ABCB5: variants seen among roughly 807,000 people sequenced by gnomAD.
ABCB5 encodes the protein ATP-binding cassette sub-family B member 5.
In ABCB5, 155 loss-of-function variants were observed where a neutral mutation model predicts 144.2. The observed-to-expected ratio is 1.08, with a 90% CI of 0.94 to 1.23. The LOEUF is 1.23. Among genes scored for constraint, ABCB5 ranks in the 50% most tolerant of loss-of-function variants. The pLI is 0.00. For synonymous variants in ABCB5, 610 were observed against 528.6 expected, an observed-to-expected ratio of 1.15 and a Z score of -2.11; for missense variants, 1,830 against 1,520.8, an observed-to-expected ratio of 1.20 and a Z score of -3.38.
intron 16 of ABCB5, among the ~76,000 whole-genome samples, chr7:20,690,998 C>A (rs1474663495): frequency 6.6e-6 from 1 of 151,854 alleles, no homozygotes; most frequent in African/African-American, 2.4e-5. Flanking sequence ...AGAAACTGAA[C>A]AAAATATGTG....
intron 15 of ABCB5, among the ~76,000 whole-genome samples, chr7:20,683,275 T>C (rs1309196053): frequency 6.6e-6 from 1 of 152,200 alleles, no homozygotes; most frequent in African/African-American, 2.4e-5. Context: ...ATTGAAAAAC[T>C]GTCTGATTCT....
At chr7:20,660,688 C>G (rs1274855603) in intron 14 of ABCB5, among the ~76,000 whole-genome samples, 1 of 152,142 alleles carries the variant, frequency 6.6e-6, no homozygotes, top group African/African-American at 2.4e-5. Flanking sequence ...GTCTAAGAGG[C>G]CCCAGACTCT....
At chr7:20,637,877 A>G (rs1784201152) in intron 5 of ABCB5, among the ~76,000 whole-genome samples, 1 of 152,210 alleles carries the variant, frequency 6.6e-6, no homozygotes, top group Admixed American at 6.5e-5. Context: ...AAATGAAGCC[A>G]TTAAATCAAT....
At position 20,645,049 on chromosome 7, in the gene ABCB5, T is replaced by C. The variant is rs566935590; in HGVS notation, c.679-707T>C. 2.6e-5 allele frequency among the ~76,000 whole-genome samples: 4 copies of C among 152,366 alleles called. No homozygotes were observed. In the South Asian group the frequency reaches 8.3e-4, roughly 32 times the overall value. On this transcript the variant is annotated intron_variant, in intron 7 of 27. Coordinates refer to ENST00000404938, the MANE Select transcript of ABCB5 (RefSeq NM_001163941.2). ...GAATAGCAGTGGGTAGTCTAAATTC[T>C]ATTATTGTATTCATTGATCATGGAG... is the stretch of plus-strand genomic sequence containing the variant.
chr7:20,667,204 T>C, intron 14 of ABCB5: 1 of 913,146 alleles, frequency 1.1e-6, no homozygotes, highest in Non-Finnish European at 1.3e-6. Context: ...AGTTAAATTG[T>C]AACATAATAT....
intron 20 of ABCB5, among the ~76,000 whole-genome samples, chr7:20,719,971 A>ACACACG (rs1554288221): frequency 7.1e-6 from 1 of 141,308 alleles, no homozygotes; most frequent in African/African-American, 2.6e-5. Context: ...ACACACACAC[A>ACACACG]CATTCTCTAG....
At chr7:20,649,262 TTA>T (rs1271654021) in intron 11 of ABCB5, among the ~76,000 whole-genome samples, 1 of 152,146 alleles carries the variant, frequency 6.6e-6, no homozygotes, top group African/African-American at 2.4e-5. Flanking sequence ...TCTGAAGGTT[TTA>T]TGTTTGGCTT....
At chr7:20,693,654 A>T (rs1786307806) in intron 16 of ABCB5, among the ~76,000 whole-genome samples, 1 of 152,096 alleles carries the variant, frequency 6.6e-6, no homozygotes, top group Admixed American at 6.6e-5. Flanking sequence ...AAAAATCTCA[A>T]ATTAATATAC....
intron 13 of ABCB5, among the ~76,000 whole-genome samples, chr7:20,657,509 C>T (rs1784848375): frequency 6.6e-6 from 1 of 152,060 alleles, no homozygotes; most frequent in Admixed American, 6.6e-5. Context: ...GTAAAAGAAA[C>T]AAGCCAAAGA....
intron 23 of ABCB5, among the ~76,000 whole-genome samples, chr7:20,731,983 A>C (rs1782237768): frequency 6.6e-6 from 1 of 152,242 alleles, no homozygotes; most frequent in Non-Finnish European, 1.5e-5. Context: ...GCACCAGTTT[A>C]TTAAAATTCT....
At chr7:20,618,928 C>A (rs1783749882) in intron 1 of ABCB5, among the ~76,000 whole-genome samples, 1 of 151,792 alleles carries the variant, frequency 6.6e-6, no homozygotes, top group Non-Finnish European at 1.5e-5. Flanking sequence ...GCATGTACCA[C>A]CATGGCAGGC....
intron 1 of ABCB5, among the ~76,000 whole-genome samples, chr7:20,617,462 G>T (rs1304194172): frequency 1.3e-5 from 2 of 152,082 alleles, no homozygotes; most frequent in Non-Finnish European, 2.9e-5. Flanking sequence ...CAGCACTAAG[G>T]TGTATTTTAA....
intron 14 of ABCB5, among the ~76,000 whole-genome samples, chr7:20,660,680 C>G (rs1489265178): frequency 3.3e-5 from 5 of 152,148 alleles, no homozygotes; most frequent in African/African-American, 1.2e-4. Context: ...GATCAGCTGT[C>G]TAAGAGGCCC....
intron 14 of ABCB5, among the ~76,000 whole-genome samples, chr7:20,670,699 C>T (rs1395236390): frequency 6.6e-6 from 1 of 152,106 alleles, no homozygotes; most frequent in Non-Finnish European, 1.5e-5. Context: ...CACCTGAGGT[C>T]GGGAGTTTGA....
In ABCB5 at chr7:20,709,555, A is replaced by G. The variant is rs546488161; in HGVS notation, c.2421+4748A>G. On this transcript the variant is annotated intron_variant, in intron 20 of 27. Transcript: ENST00000404938. ...GGCATTGAAAGTCCACATTTCTCTT[A>G]TTTTCTGTTTTGAGATGATGGGTAT... 1.1e-3 allele frequency among the ~76,000 whole-genome samples: 165 copies of G among 149,814 alleles called. 7 individuals carry two copies. Among genetic ancestry groups the G allele is most frequent in the Non-Finnish European group, 1.6e-3 (111 of 67,330 alleles).
chr7:20,656,168 G>A (rs897325257), intron 13 of ABCB5, among the ~76,000 whole-genome samples: 1 of 152,122 alleles, frequency 6.6e-6, no homozygotes, highest in Non-Finnish European at 1.5e-5. Flanking sequence ...AAATTGTAAA[G>A]CGTAAACTTC....
intron 14 of ABCB5, chr7:20,667,130 TTTAAG>T (rs1334389904): frequency 9.7e-6 from 8 of 825,564 alleles, no homozygotes; most frequent in Non-Finnish European, 1.0e-5. Context: ...TTTTTTCCCT[TTTAAG>T]TTATTAGATA....
rs370017751 is a variant in ABCB5 at position 20,745,291 on chromosome 7, A to G, written c.3282A>G (p.Ala1094=). 2 of 1,613,952 alleles carry G rather than the reference A, an allele frequency of 1.2e-6. No homozygotes were observed. The highest frequency in any genetic ancestry group is 2.7e-5 in the African/African-American group (2 of 74,916). The change falls in exon 26 of 28, where the codon GCA becomes GCG. Residue 1094 remains alanine (A), a synonymous_variant. Transcript: ENST00000404938. ...LNVQWLRSQI[A]IVPQEPVLFN... The stretch of plus-strand genomic sequence containing the variant: ...TACAGTGGCTCCGTTCCCAAATAGC[A>G]ATCGTTCCTCAAGAGCCTGTGCTCT...
chr7:20,630,917 G>A (rs1784023819), intron 4 of ABCB5, among the ~76,000 whole-genome samples: 1 of 152,130 alleles, frequency 6.6e-6, no homozygotes, highest in African/African-American at 2.4e-5. Context: ...ATATAGAGAA[G>A]TTCAATAATG....
Sources: gnomAD v4.1 joint callset for allele counts (sites outside exome capture counted in the v4.1 genomes callset) on GRCh38, gnomAD v4.1.1 for gene constraint, MANE v1.5 for transcripts, NCBI Gene and HGNC (gene_info 2026-07-23, HGNC 2026-07-21) for gene names.